The following CSMD1 variants were observed in gnomAD, a reference collection of about 807,000 sequenced individuals.
The protein encoded by CSMD1 is CUB and Sushi multiple domains 1.
In CSMD1, 213 loss-of-function variants were observed where a neutral mutation model predicts 417.5. That is an observed-to-expected ratio of 0.51 (90% confidence interval 0.46 to 0.57). CSMD1 has a LOEUF of 0.57. Ranked by LOEUF, CSMD1 falls within the 20% of genes least tolerant of loss-of-function variation. The probability of loss-of-function intolerance (pLI) is 0.00; values close to 1 mark genes in which losing one functional copy is unlikely to be tolerated. For missense variants in CSMD1, 6,923 were observed against 4,529.7 expected (o/e 1.53, Z -15.17); for synonymous variants, 2,862 against 1,736.8 (o/e 1.65, Z -16.11).
chr8:3,162,153 G>C lies in CSMD1; in HGVS notation c.5844+6C>G, dbSNP rs1165741840. 9 of 1,568,090 alleles carry C rather than the reference G, an allele frequency of 5.7e-6. No individual in the cohort carries two copies. The highest frequency in any genetic ancestry group is 4.4e-6 in the Non-Finnish European group (5 of 1,145,086). On this transcript the variant is annotated splice_donor_region_variant and intron_variant, in intron 38 of 69. Coordinates refer to ENST00000635120, the MANE Select transcript of CSMD1 (RefSeq NM_033225.6). ...TGTTATTCCTGAGCACTGAGAAGAAGGATACCTGCAGGGTGTACCCGGGCT... is the reference window on the plus strand; with the variant it reads ...TGTTATTCCTGAGCACTGAGAAGAACGATACCTGCAGGGTGTACCCGGGCT...
chr8:4,170,975 G>C (rs1568332), intron 3 of CSMD1, among the ~76,000 whole-genome samples: 3 of 151,786 alleles, frequency 2.0e-5, no homozygotes, highest in African/African-American at 7.3e-5. Flanking sequence ...TGCAGTTGAC[G>C]AACTGAGACT....
intron 8 of CSMD1, among the ~76,000 whole-genome samples, chr8:3,596,861 T>A (rs1208644952): frequency 6.6e-6 from 1 of 152,160 alleles, no homozygotes; most frequent in East Asian, 1.9e-4. Flanking sequence ...CACTAAAAGA[T>A]GTGAATATAC....
At position 4,604,410 on chromosome 8, in the gene CSMD1, T is replaced by TGCGC. The variant is rs148463995; in HGVS notation, c.302+32928_302+32931dup. Reference sequence around the variant, plus strand: ...GTGTGTGTGTGTGTGTGTGTGTGTGTGCGCGTGCGTAAAGACTAGGATCTC... The same window carrying TGCGC: ...GTGTGTGTGTGTGTGTGTGTGTGTGTGCGCGCGCGTGCGTAAAGACTAGGATCTC... On this transcript the variant is annotated intron_variant, in intron 2 of 69. Coordinates refer to ENST00000635120, the MANE Select transcript of CSMD1 (RefSeq NM_033225.6). 1.1e-3 allele frequency among the ~76,000 whole-genome samples: 168 copies of TGCGC among 146,220 alleles called. No homozygotes were observed. The East Asian group carries it at 0.013, about 11-fold the overall frequency.
chr8:4,195,457 C>T (rs1041297229), intron 3 of CSMD1, among the ~76,000 whole-genome samples: 9 of 152,164 alleles, frequency 5.9e-5, no homozygotes, highest in Non-Finnish European at 4.4e-5. Context: ...TGTGGCAGTA[C>T]AGCCTTAATG....
chr8:4,470,072 G>C (rs538280054), intron 2 of CSMD1, among the ~76,000 whole-genome samples: 6 of 151,750 alleles, frequency 4.0e-5, no homozygotes, highest in Non-Finnish European at 8.8e-5. Context: ...GGGTTTCACC[G>C]TGTTAGCCAG....
At chr8:3,328,549 T>G (rs1806686142) in intron 23 of CSMD1, among the ~76,000 whole-genome samples, 1 of 152,226 alleles carries the variant, frequency 6.6e-6, no homozygotes, top group Non-Finnish European at 1.5e-5. Flanking sequence ...ATTCCTGTTT[T>G]TCCTGGCCCA....
intron 2 of CSMD1, among the ~76,000 whole-genome samples, chr8:4,623,483 T>G (rs912681504): frequency 2.0e-5 from 3 of 152,130 alleles, no homozygotes; most frequent in Admixed American, 1.3e-4. Flanking sequence ...CTTGAATGTT[T>G]GACCACAGTA....
intron 50 of CSMD1, among the ~76,000 whole-genome samples, chr8:3,044,219 T>G (rs1231948398): frequency 3.3e-5 from 5 of 152,346 alleles, no homozygotes; most frequent in African/African-American, 1.2e-4. Context: ...CCTTCATATG[T>G]GAAGCTGACA....
At position 4,387,314 on chromosome 8, in the gene CSMD1, T is replaced by C. The variant is rs7009843; in HGVS notation, c.415+32639A>G. Among the ~76,000 whole-genome samples the C allele has an allele frequency of 8.6e-3, 1,314 of 152,110 alleles. 17 individuals carry two copies. The highest frequency in any genetic ancestry group is 0.03 in the African/African-American group (1,232 of 41,534). ...CACTCTACTTTTAGATAGTAATTCC[T>C]GAAACAATTTACCGTAAGTGACAAA... is the stretch of plus-strand genomic sequence containing the variant. On this transcript the variant is annotated intron_variant, in intron 3 of 69. Coordinates refer to ENST00000635120, the MANE Select transcript of CSMD1 (RefSeq NM_033225.6).
chr8:3,307,182 C>T (rs1283284601), intron 25 of CSMD1, among the ~76,000 whole-genome samples: 1 of 152,040 alleles, frequency 6.6e-6, no homozygotes, highest in Non-Finnish European at 1.5e-5. Flanking sequence ...TGACAAAGGG[C>T]ACCTTAGCAA....
chr8:4,056,642 A>C (rs1021095369), intron 3 of CSMD1, among the ~76,000 whole-genome samples: 1 of 151,794 alleles, frequency 6.6e-6, no homozygotes, highest in African/African-American at 2.4e-5. Context: ...CCATTAACTC[A>C]TCATTTAGCA....
chr8:4,843,214 C>A (rs754797319), intron 1 of CSMD1, among the ~76,000 whole-genome samples: 6 of 152,138 alleles, frequency 3.9e-5, no homozygotes, highest in Non-Finnish European at 7.3e-5. Context: ...TGGAACAGGG[C>A]GCTTTCCTGC....
intron 1 of CSMD1, among the ~76,000 whole-genome samples, chr8:4,944,222 C>T (rs778149093): frequency 1.2e-4 from 18 of 152,050 alleles, no homozygotes; most frequent in Non-Finnish European, 2.2e-4. Flanking sequence ...TAATTAAAGA[C>T]CAAAAGATGA....
chr8:3,344,878 G>C (rs193053618), intron 22 of CSMD1, among the ~76,000 whole-genome samples: 2 of 152,320 alleles, frequency 1.3e-5, no homozygotes, highest in East Asian at 1.9e-4. Context: ...GGTAGAATCA[G>C]ATACTCTCTA....
At chr8:3,690,619 G>C (rs962131888) in intron 7 of CSMD1, among the ~76,000 whole-genome samples, 2 of 152,192 alleles carry the variant, frequency 1.3e-5, no homozygotes, top group Non-Finnish European at 2.9e-5. Flanking sequence ...TGATATCATA[G>C]CTTCCACTCT....
chr8:3,315,968 T>C (rs1805725173), intron 23 of CSMD1, among the ~76,000 whole-genome samples: 1 of 152,226 alleles, frequency 6.6e-6, no homozygotes, highest in Non-Finnish European at 1.5e-5. Context: ...AAATAGTTAA[T>C]ATCAATTCTG....
At chr8:4,551,877 G>A (rs1797886682) in intron 2 of CSMD1, among the ~76,000 whole-genome samples, 1 of 146,554 alleles carries the variant, frequency 6.8e-6, no homozygotes, top group Admixed American at 6.9e-5. Flanking sequence ...TTGTAGAGAT[G>A]GGGTATCACC....
At chr8:3,485,318 A>G (rs1817962462) in intron 11 of CSMD1, among the ~76,000 whole-genome samples, 2 of 152,166 alleles carry the variant, frequency 1.3e-5, no homozygotes, top group Non-Finnish European at 2.9e-5. Context: ...GCTTCTAATT[A>G]TATAACATTC....
At chr8:3,096,307 C>A (rs1416221429) in intron 47 of CSMD1, among the ~76,000 whole-genome samples, 1 of 152,188 alleles carries the variant, frequency 6.6e-6, no homozygotes, top group South Asian at 2.1e-4. Flanking sequence ...TCCCACAATT[C>A]CCACCTATCG....
Sources: gnomAD v4.1 joint callset for allele counts (sites outside exome capture counted in the v4.1 genomes callset) on GRCh38, gnomAD v4.1.1 for gene constraint, MANE v1.5 for transcripts, NCBI Gene and HGNC (gene_info 2026-07-23, HGNC 2026-07-21) for gene names.